Variants in TRDN observed in about 807,000 individuals in gnomAD.
TRDN encodes triadin, also known as triadin in skeletal muscle.
TRDN carries 161 observed loss-of-function variants against 149.7 expected under a neutral mutation model. The observed-to-expected ratio is 1.08, with a 90% confidence interval of 0.95 to 1.23. The LOEUF (loss-of-function observed/expected upper bound fraction) is 1.23. TRDN is among the 50% of genes most tolerant of loss of function. The pLI is 0.00. For synonymous variants in TRDN, 294 were observed against 250.5 expected (o/e 1.17, Z -1.64); for missense variants, 896 against 823.5 (o/e 1.09, Z -1.08).
chr6:123,362,617 T>A (rs1780945632), intron 20 of TRDN, among the ~76,000 whole-genome samples: 1 of 152,198 alleles, frequency 6.6e-6, no homozygotes, highest in African/African-American at 2.4e-5. Flanking sequence ...TAAAGTCATC[T>A]TCTGCCGTAA....
intron 24 of TRDN, among the ~76,000 whole-genome samples, chr6:123,282,406 C>T (rs1021900446): frequency 1.6e-4 from 25 of 151,976 alleles, no homozygotes; most frequent in African/African-American, 5.5e-4. Flanking sequence ...GAAATAATAT[C>T]ATTTAATAAT....
At chr6:123,474,971 G>A (rs1400830687) in intron 9 of TRDN, among the ~76,000 whole-genome samples, 1 of 152,034 alleles carries the variant, frequency 6.6e-6, no homozygotes, top group Non-Finnish European at 1.5e-5. Flanking sequence ...ATCCAAAATT[G>A]ACACCCTAAC....
intron 1 of TRDN, among the ~76,000 whole-genome samples, chr6:123,622,069 C>G (rs1359887303): frequency 6.6e-6 from 1 of 151,946 alleles, no homozygotes; most frequent in Non-Finnish European, 1.5e-5. Context: ...GCTCTCTGGC[C>G]TCCCCTTCCA....
At chr6:123,598,934 A>T (rs1784157055) in intron 1 of TRDN, among the ~76,000 whole-genome samples, 1 of 152,112 alleles carries the variant, frequency 6.6e-6, no homozygotes. Flanking sequence ...ATGGCACAGG[A>T]AATAAAAGTA....
chr6:123,547,437 T>C, intron 3 of TRDN, 65 bp from the exon 4 acceptor site: 1 of 914,420 alleles, frequency 1.1e-6, no homozygotes, highest in South Asian at 2.5e-5. Context: ...TATGACATCA[T>C]TATTTTCCCC....
rs886061030 is a variant in TRDN at position 123,218,713 on chromosome 6, T to G, written c.2078A>C (p.Tyr693Ser). Residue 693 changes from tyrosine (Y) to serine (S), a missense_variant, in exon 41 of 41, where the codon TAC becomes TCC. By Grantham distance (144) the Tyr-to-Ser change is moderately radical. Transcript: ENST00000334268. Reference sequence around the variant, plus strand: ...TCCATAGCCATTGTACCCATCCAAGTAGACACACTGGAAGAAACTGATGGG... The same window carrying G: ...TCCATAGCCATTGTACCCATCCAAGGAGACACACTGGAAGAAACTGATGGG... ...KSPISFFQCV[Y>S]LDGYNGYGFQ... 6 of 1,585,270 alleles carry G rather than the reference T, an allele frequency of 3.8e-6. No individual in the cohort carries two copies. Among genetic ancestry groups the G allele is most frequent in the Non-Finnish European group, 4.3e-6 (5 of 1,163,424 alleles).
At chr6:123,627,701 A>C (rs1025706792) in intron 1 of TRDN, among the ~76,000 whole-genome samples, 14 of 152,148 alleles carry the variant, frequency 9.2e-5, no homozygotes, top group African/African-American at 3.4e-4. Context: ...TCTTCTTCTA[A>C]TAGAGGACTG....
intron 12 of TRDN, among the ~76,000 whole-genome samples, chr6:123,418,001 C>A (rs1773727370): frequency 6.6e-6 from 1 of 152,154 alleles, no homozygotes; most frequent in African/African-American, 2.4e-5. Flanking sequence ...AGGGCTAACT[C>A]CACATTTTGC....
intron 32 of TRDN, among the ~76,000 whole-genome samples, chr6:123,266,055 C>T (rs1041717730): frequency 9.5e-5 from 13 of 136,174 alleles, no homozygotes; most frequent in African/African-American, 1.9e-4. Context: ...CAAATTGATA[C>T]TTTTTTTGTA....
At chr6:123,383,316 C>T (rs1307051964) in intron 14 of TRDN, among the ~76,000 whole-genome samples, 1 of 151,886 alleles carries the variant, frequency 6.6e-6, no homozygotes, top group African/African-American at 2.4e-5. Context: ...TGTCCCACTT[C>T]CGTAGATGTA....
At chr6:123,432,592 A>C (rs1416905731) in intron 12 of TRDN, among the ~76,000 whole-genome samples, 2 of 152,236 alleles carry the variant, frequency 1.3e-5, no homozygotes, top group African/African-American at 4.8e-5. Flanking sequence ...AAGCAAAACT[A>C]GACAAAACAC....
chr6:123,512,983 G>A (rs1779251223), intron 6 of TRDN, among the ~76,000 whole-genome samples: 1 of 152,088 alleles, frequency 6.6e-6, no homozygotes, highest in Admixed American at 6.6e-5. Flanking sequence ...CTTAAAATAT[G>A]TATTTAAAAA....
intron 12 of TRDN, among the ~76,000 whole-genome samples, chr6:123,419,173 G>A (rs752506144): frequency 2.0e-5 from 3 of 151,996 alleles, no homozygotes; most frequent in Non-Finnish European, 2.9e-5. Flanking sequence ...GTGGATCCCC[G>A]CACTGTTAAC....
rs186053019 is a variant in TRDN at position 123,281,071 on chromosome 6, C to T, written c.1511-1989G>A. ...CACAAAATACATGTTACAGTTACTG[C>T]ATAGTTTCTTTGACTTGGGTTGCAA... On this transcript the variant is annotated intron_variant, in intron 24 of 40. Coordinates refer to ENST00000334268, the MANE Select transcript of TRDN (RefSeq NM_006073.4). 3.9e-5 allele frequency among the ~76,000 whole-genome samples: 6 copies of T among 152,038 alleles called. No homozygotes were observed. The East Asian group carries it at 1.2e-3, about 29-fold the overall frequency.
chr6:123,351,253 T>G, intron 21 of TRDN: 1 of 974,702 alleles, frequency 1.0e-6, no homozygotes, highest in Non-Finnish European at 1.2e-6. Flanking sequence ...TCTAGAAGTT[T>G]ACACATTTTC....
chr6:123,433,168 T>TATGTATATATATAA (rs1774409423), intron 12 of TRDN, among the ~76,000 whole-genome samples: 1 of 86,370 alleles, frequency 1.2e-5, no homozygotes, highest in Non-Finnish European at 2.6e-5. Flanking sequence ...ATATAATATA[T>TATGTATATATATAA]ATATATATAT....
intron 21 of TRDN, chr6:123,349,602 CT>C (rs1780380757): frequency 2.2e-6 from 2 of 895,782 alleles, no homozygotes; most frequent in Non-Finnish European, 2.7e-6. Context: ...ACTAAATCTT[CT>C]GTTTTACTTC....
At chr6:123,382,060 G>T in intron 15 of TRDN, 58 bp downstream of exon 15, 1 of 1,275,876 alleles carries the variant, frequency 7.8e-7, no homozygotes, top group Non-Finnish European at 1.0e-6. Flanking sequence ...CTTTAAGAAG[G>T]TATGCTGTTT....
intron 14 of TRDN, among the ~76,000 whole-genome samples, chr6:123,384,642 A>G: frequency 6.6e-6 from 1 of 152,236 alleles, no homozygotes; most frequent in African/African-American, 2.4e-5. Flanking sequence ...AATAATAAGA[A>G]TCAATAATAT....
Sources: allele counts gnomAD v4.1 joint callset (sites outside exome capture counted in the v4.1 genomes callset), GRCh38; gene constraint gnomAD v4.1.1; transcripts MANE v1.5; gene names NCBI Gene and HGNC (gene_info 2026-07-23, HGNC 2026-07-21).